The following KCNG3 variants were observed in gnomAD, a reference collection of about 807,000 sequenced individuals.
The protein encoded by KCNG3 is potassium voltage-gated channel modifier subfamily G member 3.
KCNG3 carries 15 observed loss-of-function variants against 29.0 expected under a neutral mutation model. The observed-to-expected ratio is 0.52, with a 90% CI of 0.35 to 0.80. The LOEUF is 0.80. KCNG3 is among the 30% of genes least tolerant of loss of function. The pLI is 0.01. For synonymous variants in KCNG3, 322 were observed against 248.9 expected (o/e 1.29, Z -2.76); for missense variants, 512 against 605.7 (o/e 0.85, Z 1.62).
At chr2:42,451,656 G>A (rs1303706846) in intron 1 of KCNG3, among the ~76,000 whole-genome samples, 1 of 152,084 alleles carries the variant, frequency 6.6e-6, no homozygotes, top group Non-Finnish European at 1.5e-5. Context: ...AACCCAGGAG[G>A]TGGAGGTTGT....
chr2:42,468,745 G>T (rs1372566609), intron 1 of KCNG3, among the ~76,000 whole-genome samples: 1 of 150,800 alleles, frequency 6.6e-6, no homozygotes, highest in East Asian at 2.0e-4. Context: ...ACGAAGTCAG[G>T]AGTTCAAGAC....
the KCNG3 span, among the ~76,000 whole-genome samples, chr2:42,414,585 T>C: frequency 6.6e-6 from 1 of 151,972 alleles, no homozygotes; most frequent in East Asian, 1.9e-4. Context: ...GCAGTCTGTC[T>C]CAGCATTTAG....
chr2:42,491,104 C>T (rs747431625), intron 1 of KCNG3, among the ~76,000 whole-genome samples: 9 of 152,188 alleles, frequency 5.9e-5, no homozygotes, highest in Non-Finnish European at 1.2e-4. Context: ...TATACACATA[C>T]ATAAAATACA....
intron 1 of KCNG3, among the ~76,000 whole-genome samples, chr2:42,468,838 T>A (rs952003111): frequency 1.3e-5 from 2 of 150,098 alleles, no homozygotes; most frequent in Non-Finnish European, 3.0e-5. Context: ...ACCTGTAATC[T>A]CAACTACTCC....
the KCNG3 span, among the ~76,000 whole-genome samples, chr2:42,407,944 T>C: frequency 6.6e-6 from 1 of 152,216 alleles, no homozygotes; most frequent in African/African-American, 2.4e-5. Context: ...CCACCTGACC[T>C]TGCAGGCTCG....
chr2:42,462,538 C>T (rs374550773), intron 1 of KCNG3, among the ~76,000 whole-genome samples: 3 of 152,024 alleles, frequency 2.0e-5, no homozygotes, highest in African/African-American at 7.2e-5. Flanking sequence ...AAAAATTAGC[C>T]GGGCGTGGTG....
Position 42,492,878 on chromosome 2 carries a change from G to C in KCNG3, c.624C>G (p.Asp208Glu). 6 of 1,537,852 alleles carry C rather than the reference G, an allele frequency of 3.9e-6. No individual in the cohort carries two copies. Among genetic ancestry groups the C allele is most frequent in the Non-Finnish European group, 5.2e-6 (6 of 1,148,644 alleles). ...CAGGGCCGGCGGAGTACCTGCTCCG[G>C]TCATCCAGGCTGCGGTTGTCGGCGG... ...NAAADNRSLD[D>E]RSRYSAGPGR... Residue 208 changes from aspartate (D) to glutamate (E), a missense_variant, in exon 1 of 2, where the codon GAC becomes GAG. Physicochemically the swap from Asp to Glu is conservative, Grantham distance 45 (BLOSUM62 2). This residue lies in a region of KCNG3 where 228 missense variants were observed against 200.0 expected (regional missense o/e 1.14). Transcript: ENST00000306078.
the KCNG3 span, among the ~76,000 whole-genome samples, chr2:42,406,190 T>G: frequency 6.6e-6 from 1 of 152,124 alleles, no homozygotes; most frequent in African/African-American, 2.4e-5. Context: ...TTCCAGATAT[T>G]TGGTACCTTT....
chr2:42,416,441 G>A, the KCNG3 span, among the ~76,000 whole-genome samples: 2 of 152,112 alleles, frequency 1.3e-5, no homozygotes, highest in African/African-American at 4.8e-5. Flanking sequence ...ACAAGATGCG[G>A]TCTAAAACAA....
At chr2:42,430,775 A>G in the KCNG3 span, among the ~76,000 whole-genome samples, 39 of 152,138 alleles carry the variant, frequency 2.6e-4, no homozygotes, top group African/African-American at 9.4e-4. Context: ...AAACAAACAA[A>G]CAAAAAAACA....
chr2:42,443,015 T>G lies in KCNG3; in HGVS notation c.*919A>C, dbSNP rs1375171251. 6.6e-6 allele frequency: 1 copy of G among 152,206 alleles called. No homozygotes were observed. The highest frequency in any genetic ancestry group is 1.9e-4 in the East Asian group (1 of 5,204). The allele number at this position is 152,206 out of a possible 1,614,324, so 9.4% of individuals were successfully genotyped here. A position where few individuals can be genotyped will look rare whatever the true frequency, so the allele number is the denominator to read the frequency against. ...TACTAAAAGGCTATATAAATATCCTTTCATCTGATAAGTCTTATTAAACCT... is the reference window on the plus strand; with the variant it reads ...TACTAAAAGGCTATATAAATATCCTGTCATCTGATAAGTCTTATTAAACCT... On this transcript the variant is annotated 3_prime_UTR_variant, in exon 2 of 2. Transcript: ENST00000306078.
At chr2:42,426,392 C>A in the KCNG3 span, among the ~76,000 whole-genome samples, 1 of 152,210 alleles carries the variant, frequency 6.6e-6, no homozygotes, top group Admixed American at 6.5e-5. Flanking sequence ...ATAATACAAT[C>A]TTTTCTATCC....
chr2:42,420,888 C>A, the KCNG3 span, among the ~76,000 whole-genome samples: 2 of 152,316 alleles, frequency 1.3e-5, no homozygotes, highest in South Asian at 4.1e-4. Flanking sequence ...GACATATTGA[C>A]CATTTAAAAA....
intron 1 of KCNG3, among the ~76,000 whole-genome samples, chr2:42,460,638 A>T (rs1393430103): frequency 6.6e-6 from 1 of 152,226 alleles, no homozygotes; most frequent in Non-Finnish European, 1.5e-5. Flanking sequence ...CAAAATCAGG[A>T]AAGTGCCAGA....
At chr2:42,409,482 T>C in the KCNG3 span, among the ~76,000 whole-genome samples, 4 of 151,962 alleles carry the variant, frequency 2.6e-5, no homozygotes, top group South Asian at 2.1e-4. Flanking sequence ...GGCATGAGGA[T>C]TGCTTGAGCT....
At position 42,444,006 on chromosome 2, in the gene KCNG3, C is replaced by A; in HGVS notation, c.1239G>T (p.Val413=). 1 of 1,614,172 alleles carries A rather than the reference C, an allele frequency of 6.2e-7. No individual in the cohort carries two copies. The highest frequency in any genetic ancestry group is 8.5e-7 in the Non-Finnish European group (1 of 1,180,022). Reference sequence around the variant, plus strand: ...TAAACTTGAGCTCATGATAACACTGCACAAAGCTATGGTAGATAAAAGTGA... The same window carrying A: ...TAAACTTGAGCTCATGATAACACTGAACAAAGCTATGGTAGATAAAAGTGA... ...LPITFIYHSF[V]QCYHELKFRS... The change falls in exon 2 of 2, where the codon GTG becomes GTT. Residue 413 remains valine (V), a synonymous_variant. Coordinates refer to ENST00000306078, the MANE Select transcript of KCNG3 (RefSeq NM_133329.6). The surrounding 1 kb of genome is among the most constrained non-coding windows in gnomAD (Gnocchi z 5.8).
At chr2:42,468,829 C>T (rs1673209775) in intron 1 of KCNG3, among the ~76,000 whole-genome samples, 1 of 151,578 alleles carries the variant, frequency 6.6e-6, no homozygotes, top group East Asian at 1.9e-4. Context: ...GTGGCAGGCA[C>T]CTGTAATCTC....
chr2:42,446,672 G>C (rs1369658347), intron 1 of KCNG3, among the ~76,000 whole-genome samples: 1 of 152,094 alleles, frequency 6.6e-6, no homozygotes, highest in South Asian at 2.1e-4. Context: ...GCATTCCACA[G>C]AACACAAGTG....
intron 1 of KCNG3, among the ~76,000 whole-genome samples, chr2:42,457,638 C>CAA (rs1672911405): frequency 1.4e-5 from 2 of 148,050 alleles, no homozygotes; most frequent in African/African-American, 5.0e-5. Flanking sequence ...CACACACACA[C>CAA]ACACACACAC....
Sources: gnomAD v4.1 joint callset for allele counts (sites outside exome capture counted in the v4.1 genomes callset) on GRCh38, gnomAD v4.1.1 for gene constraint, gnomAD v4.1.1 regional missense constraint, Gnocchi (gnomAD v3.1) non-coding constraint, MANE v1.5 for transcripts, NCBI Gene and HGNC (gene_info 2026-07-23, HGNC 2026-07-21) for gene names.